Variants in TLL2 observed in about 807,000 individuals in gnomAD.
TLL2 encodes the protein tolloid like 2.
Under a neutral mutation model 123.0 loss-of-function variants are expected in TLL2, and 106 were observed. The ratio of observed to expected loss-of-function variants is 0.86; its 90% confidence interval spans 0.74 to 1.01. TLL2 has a LOEUF of 1.01. Among genes scored for constraint, TLL2 ranks in the 50% least tolerant of loss-of-function variants. The probability of loss-of-function intolerance (pLI) is 0.00; values close to 1 mark genes in which losing one functional copy is unlikely to be tolerated. For synonymous variants in TLL2, 494 were observed against 516.8 expected, an observed-to-expected ratio of 0.96 and a Z score of 0.60; for missense variants, 1,332 against 1,336.7, an observed-to-expected ratio of 1.00 and a Z score of 0.06.
chr10:96,482,071 C>T (rs552887912), intron 1 of TLL2, among the ~76,000 whole-genome samples: 5 of 152,254 alleles, frequency 3.3e-5, no homozygotes, highest in Non-Finnish European at 7.4e-5. Flanking sequence ...TCCTGGCTAA[C>T]ACGGTGAAAC....
At chr10:96,455,367 T>TC (rs1847002355) in intron 2 of TLL2, among the ~76,000 whole-genome samples, 1 of 152,206 alleles carries the variant, frequency 6.6e-6, no homozygotes, top group African/African-American at 2.4e-5. Context: ...TGGGTAATTG[T>TC]CAGAGGCGTT....
intron 2 of TLL2, among the ~76,000 whole-genome samples, chr10:96,459,683 A>T (rs1847054029): frequency 1.9e-5 from 1 of 52,416 alleles, no homozygotes; most frequent in Non-Finnish European, 3.8e-5. Context: ...AAAAAAAAAA[A>T]AAAAAAAAAA....
chr10:96,496,194 T>A (rs6584080), intron 1 of TLL2, among the ~76,000 whole-genome samples: 2 of 151,946 alleles, frequency 1.3e-5, no homozygotes, highest in Non-Finnish European at 2.9e-5. Flanking sequence ...TATTCCTAAT[T>A]GATCACAGCT....
In TLL2 at chr10:96,405,293, T is replaced by A; in HGVS notation, c.1206A>T (p.Arg402=). The change falls in exon 10 of 21, where the codon CGA becomes CGT. Residue 402 remains arginine, a synonymous_variant. Coordinates refer to ENST00000357947, the MANE Select transcript of TLL2 (RefSeq NM_012465.4). ...CCTCCACGTAATCATACCAGCACAG[T>A]CGGCTTTTAAACAAATCCATGGATG... The part of the protein sequence containing the change: ...NFTSMDLFKS[R]LCWYDYVEVR... The A allele has an allele frequency of 6.2e-7, 1 of 1,614,196 alleles. No individual in the cohort carries two copies.
At chr10:96,423,128 C>A (rs1355621784) in intron 5 of TLL2, among the ~76,000 whole-genome samples, 10 of 119,904 alleles carry the variant, frequency 8.3e-5, no homozygotes, top group African/African-American at 2.5e-4. Context: ...AACACCGTCT[C>A]AAAAAAAAAA....
intron 1 of TLL2, among the ~76,000 whole-genome samples, chr10:96,486,435 A>G (rs1324721688): frequency 1.3e-5 from 2 of 152,212 alleles, no homozygotes; most frequent in Non-Finnish European, 2.9e-5. Flanking sequence ...CCCTGCCCCA[A>G]GCATTTCCCT....
chr10:96,375,042 C>G (rs1239935878), intron 18 of TLL2, among the ~76,000 whole-genome samples: 1 of 151,372 alleles, frequency 6.6e-6, no homozygotes, highest in Non-Finnish European at 1.5e-5. Context: ...GGGGAAGGGA[C>G]CAGCACGGCA....
intron 16 of TLL2, among the ~76,000 whole-genome samples, chr10:96,381,140 G>A (rs956016333): frequency 1.3e-5 from 2 of 152,112 alleles, no homozygotes; most frequent in African/African-American, 4.8e-5. Context: ...TTGCAAATGT[G>A]GAGCTGCCCT....
chr10:96,457,457 A>G (rs572195019), intron 2 of TLL2, among the ~76,000 whole-genome samples: 9 of 152,344 alleles, frequency 5.9e-5, no homozygotes, highest in African/African-American at 2.2e-4. Context: ...GGGAAGGCAG[A>G]TAGGAAGGAA....
intron 2 of TLL2, among the ~76,000 whole-genome samples, chr10:96,466,795 A>C (rs1277109439): frequency 6.6e-6 from 1 of 152,346 alleles, no homozygotes; most frequent in East Asian, 1.9e-4. Flanking sequence ...TTATCTAATC[A>C]GTAATGTATG....
chr10:96,413,605 C>T (rs1265853250), intron 7 of TLL2, among the ~76,000 whole-genome samples: 4 of 152,204 alleles, frequency 2.6e-5, no homozygotes, highest in African/African-American at 9.6e-5. Flanking sequence ...GTGTCCTGAG[C>T]ATTTTCATGA....
chr10:96,437,833 T>A (rs912428245), intron 3 of TLL2, among the ~76,000 whole-genome samples: 4 of 152,226 alleles, frequency 2.6e-5, no homozygotes, highest in African/African-American at 7.2e-5. Context: ...TTCCTGCTAT[T>A]ACAAATAAAG....
chr10:96,413,674 G>A (rs1846529088), intron 7 of TLL2, among the ~76,000 whole-genome samples: 1 of 152,148 alleles, frequency 6.6e-6, no homozygotes, highest in Non-Finnish European at 1.5e-5. Flanking sequence ...CCCTGCAGCT[G>A]TGCATTGGGA....
intron 20 of TLL2, among the ~76,000 whole-genome samples, chr10:96,369,184 G>C (rs1458766157): frequency 6.6e-6 from 1 of 152,178 alleles, no homozygotes; most frequent in Non-Finnish European, 1.5e-5. Flanking sequence ...GTGCAGCCAG[G>C]GGAGTGACTG....
chr10:96,445,348 T>C (rs968353759), intron 3 of TLL2, among the ~76,000 whole-genome samples: 5 of 152,154 alleles, frequency 3.3e-5, no homozygotes, highest in African/African-American at 1.2e-4. Context: ...TTCTCCACAA[T>C]AGATGTGTCC....
chr10:96,377,815 G>T (rs768128893), intron 17 of TLL2, among the ~76,000 whole-genome samples: 14 of 152,362 alleles, frequency 9.2e-5, no homozygotes, highest in Non-Finnish European at 1.3e-4. Context: ...GCTCAAAGGG[G>T]CAGTGGCTCA....
chr10:96,409,992 C>CT (rs1846485151), intron 9 of TLL2, among the ~76,000 whole-genome samples: 1 of 152,190 alleles, frequency 6.6e-6, no homozygotes, highest in African/African-American at 2.4e-5. Flanking sequence ...GAGACGGAGG[C>CT]TGGGGGGAAG....
Position 96,366,466 on chromosome 10 carries a change from A to G in TLL2, c.*1622T>C. ...ACATACATATATACAGACATATATT[A>G]TTAATAATACTTTAATTTTTTTCTG... On this transcript the variant is annotated 3_prime_UTR_variant, in exon 21 of 21. Coordinates refer to ENST00000357947, the MANE Select transcript of TLL2 (RefSeq NM_012465.4). 6.5e-6 allele frequency: 1 copy of G among 152,800 alleles called. No individual in the cohort carries two copies. Among genetic ancestry groups the G allele is most frequent in the Non-Finnish European group, 1.5e-5 (1 of 68,032 alleles). 9.5% of individuals were successfully genotyped at this position (152,800 alleles called of 1,614,324 possible).
At chr10:96,401,086 G>C (rs532461552) in intron 10 of TLL2, among the ~76,000 whole-genome samples, 3 of 152,306 alleles carry the variant, frequency 2.0e-5, no homozygotes, top group African/African-American at 7.2e-5. Flanking sequence ...CCGGTTCCTG[G>C]ATTTAGAGGA....
Sources: gnomAD v4.1 joint callset for allele counts (sites outside exome capture counted in the v4.1 genomes callset) on GRCh38, gnomAD v4.1.1 for gene constraint, MANE v1.5 for transcripts, NCBI Gene and HGNC (gene_info 2026-07-23, HGNC 2026-07-21) for gene names.